The following KCNIP1 variants were observed in gnomAD, a reference collection of about 807,000 sequenced individuals.
The protein encoded by KCNIP1 is potassium voltage-gated channel interacting protein 1.
Under a neutral mutation model 33.0 loss-of-function variants are expected in KCNIP1, and 18 were observed. That is an observed-to-expected ratio of 0.55 (90% confidence interval 0.38 to 0.81). The LOEUF (loss-of-function observed/expected upper bound fraction) is 0.81. Among genes scored for constraint, KCNIP1 ranks in the 30% least tolerant of loss-of-function variants. The probability of loss-of-function intolerance (pLI) is 0.00; values close to 1 mark genes in which losing one functional copy is unlikely to be tolerated. For synonymous variants in KCNIP1, 93 were observed against 98.3 expected (o/e 0.95, Z 0.32); for missense variants, 238 against 271.6 (o/e 0.88, Z 0.87).
chr5:170,404,795 A>G (rs529303711), intron 1 of KCNIP1, among the ~76,000 whole-genome samples: 1 of 152,160 alleles, frequency 6.6e-6, no homozygotes, highest in Admixed American at 6.5e-5. Context: ...TATTGTGGCC[A>G]TTTTTGCAAT....
At chr5:170,726,372 T>C (rs1220053978) in intron 5 of KCNIP1, among the ~76,000 whole-genome samples, 4 of 152,238 alleles carry the variant, frequency 2.6e-5, no homozygotes, top group Middle Eastern at 3.4e-3. Flanking sequence ...AGTAAACCCA[T>C]GAAAGGTTGC....
intron 1 of KCNIP1, among the ~76,000 whole-genome samples, chr5:170,520,517 T>C (rs1207546865): frequency 6.6e-6 from 1 of 152,224 alleles, no homozygotes; most frequent in Non-Finnish European, 1.5e-5. Flanking sequence ...TCGCACATCA[T>C]TGGAACTGAC....
chr5:170,424,947 C>T (rs1193904823), intron 1 of KCNIP1, among the ~76,000 whole-genome samples: 1 of 152,194 alleles, frequency 6.6e-6, no homozygotes, highest in Non-Finnish European at 1.5e-5. Context: ...CTCATGCCTA[C>T]CTAAGGGCCT....
chr5:170,431,933 C>T (rs1235962628), intron 1 of KCNIP1, among the ~76,000 whole-genome samples: 1 of 152,236 alleles, frequency 6.6e-6, no homozygotes, highest in African/African-American at 2.4e-5. Flanking sequence ...TTCTCTAAGG[C>T]TCAGGCCTGA....
intron 1 of KCNIP1, among the ~76,000 whole-genome samples, chr5:170,452,866 C>G (rs1052568497): frequency 6.6e-6 from 1 of 152,160 alleles, no homozygotes; most frequent in African/African-American, 2.4e-5. Flanking sequence ...ACTCGTTGTA[C>G]ATCATTACCA....
At chr5:170,468,002 G>C (rs1370917395) in intron 1 of KCNIP1, among the ~76,000 whole-genome samples, 1 of 149,636 alleles carries the variant, frequency 6.7e-6, no homozygotes, top group African/African-American at 2.5e-5. Flanking sequence ...TTTGTGCTTT[G>C]AAATAAGCTA....
intron 1 of KCNIP1, chr5:170,485,929 C>T (rs36079386): frequency 0.16 from 23,911 of 152,280 alleles, 2,141 homozygotes; most frequent in Non-Finnish European, 0.2. Context: ...CTGGGCCAGA[C>T]GTCACCCCAC....
chr5:170,720,575 A>G (rs1263904705), intron 3 of KCNIP1, among the ~76,000 whole-genome samples, 185 bp downstream of exon 3: 1 of 152,182 alleles, frequency 6.6e-6, no homozygotes, highest in Non-Finnish European at 1.5e-5. Flanking sequence ...GAACTCTGAA[A>G]ATGAACCCAC....
At chr5:170,439,098 A>G (rs1199662424) in intron 1 of KCNIP1, among the ~76,000 whole-genome samples, 1 of 152,222 alleles carries the variant, frequency 6.6e-6, no homozygotes, top group African/African-American at 2.4e-5. Context: ...ACAGATTCAC[A>G]GGAGAAAAAA....
chr5:170,706,686 A>C (rs1026889750), intron 1 of KCNIP1, among the ~76,000 whole-genome samples: 1 of 152,172 alleles, frequency 6.6e-6, no homozygotes, highest in Non-Finnish European at 1.5e-5. Context: ...TTGAGATAAT[A>C]CTATTCTTGT....
intron 1 of KCNIP1, among the ~76,000 whole-genome samples, chr5:170,697,506 AC>A (rs1178038137): frequency 6.6e-6 from 1 of 152,188 alleles, no homozygotes; most frequent in Non-Finnish European, 1.5e-5. Context: ...ACAGGCTGAT[AC>A]TTTGCACTAG....
intron 1 of KCNIP1, among the ~76,000 whole-genome samples, chr5:170,390,516 AAATATAT>A (rs1561601408): frequency 1.5e-4 from 6 of 39,164 alleles, no homozygotes; most frequent in African/African-American, 3.9e-4. Flanking sequence ...AAAAAAAAAC[AAATATAT>A]ATATATATAT....
At chr5:170,504,017 T>C, upstream of KCNIP1, 1 of 968,890 alleles carries the variant, frequency 1.0e-6, no homozygotes, top group Non-Finnish European at 1.2e-6. The surrounding 1 kb of genome is among the most constrained non-coding windows in gnomAD (Gnocchi z 6.0). Flanking sequence ...CCTCCGCCGC[T>C]CCGACTCTCG....
Position 170,731,375 on chromosome 5 carries a change from T to C in KCNIP1, c.436-1425T>C, listed in dbSNP as rs78375847. On this transcript the variant is annotated intron_variant, in intron 5 of 7. Coordinates refer to ENST00000328939, the MANE Select transcript of KCNIP1 (RefSeq NM_014592.4). ...CTACAAAACAACTGACCTGTACTCA[T>C]ATCAAAAGTGTGAGGTCCTGAAAGA... Among the ~76,000 whole-genome samples the C allele has an allele frequency of 6.3e-3, 958 of 152,264 alleles. 39 individuals are homozygous for C. The highest frequency in any genetic ancestry group is 0.053 in the Admixed American group (808 of 15,296).
At chr5:170,420,808 CT>C in intron 1 of KCNIP1, among the ~76,000 whole-genome samples, 1 of 152,152 alleles carries the variant, frequency 6.6e-6, no homozygotes, top group African/African-American at 2.4e-5. Context: ...GCGTCTTCTT[CT>C]TCTCCCCCCC....
intron 1 of KCNIP1, among the ~76,000 whole-genome samples, chr5:170,432,524 G>C (rs1755768203): frequency 6.6e-6 from 1 of 152,198 alleles, no homozygotes; most frequent in African/African-American, 2.4e-5. Flanking sequence ...GGAGGTGGGG[G>C]CTATGATACG....
chr5:170,392,965 A>G (rs914961194), intron 1 of KCNIP1, among the ~76,000 whole-genome samples: 2 of 152,248 alleles, frequency 1.3e-5, no homozygotes, highest in African/African-American at 4.8e-5. Flanking sequence ...GACCACATAG[A>G]TATGCAATAC....
chr5:170,354,102 A>G, intron 1 of KCNIP1: 1 of 831,112 alleles, frequency 1.2e-6, no homozygotes, highest in Non-Finnish European at 1.9e-6. Flanking sequence ...CTGGGATTCG[A>G]GGTTGCTGAC....
intron 1 of KCNIP1, among the ~76,000 whole-genome samples, chr5:170,630,433 ACT>A (rs1350486942): frequency 2.0e-5 from 3 of 151,956 alleles, no homozygotes; most frequent in Non-Finnish European, 4.4e-5. Flanking sequence ...ACCAGGGAAG[ACT>A]CTCCAAAAAG....
Sources: allele counts gnomAD v4.1 joint callset (sites outside exome capture counted in the v4.1 genomes callset), GRCh38; gene constraint gnomAD v4.1.1; non-coding constraint Gnocchi (gnomAD v3.1); transcripts MANE v1.5; gene names NCBI Gene and HGNC (gene_info 2026-07-23, HGNC 2026-07-21).